The following COG5 variants were observed in gnomAD, a reference collection of about 807,000 sequenced individuals.
COG5 encodes the protein conserved oligomeric Golgi complex subunit 5.
A neutral mutation model predicts 110.4 loss-of-function variants in COG5; 86 were observed. That is an observed-to-expected ratio of 0.78 (90% CI 0.65 to 0.93). The LOEUF (loss-of-function observed/expected upper bound fraction) is 0.93, where lower values mean the gene tolerates loss of function less well. Among genes scored for constraint, COG5 ranks in the 40% least tolerant of loss-of-function variants. The probability of loss-of-function intolerance (pLI) is 0.00; values close to 1 mark genes in which losing one functional copy is unlikely to be tolerated. For missense variants in COG5, 1,077 were observed against 987.0 expected, an observed-to-expected ratio of 1.09 and a Z score of -1.22; for synonymous variants, 360 against 334.6, an observed-to-expected ratio of 1.08 and a Z score of -0.83.
At chr7:107,326,810 A>T (rs1809807194) in intron 10 of COG5, among the ~76,000 whole-genome samples, 1 of 152,196 alleles carries the variant, frequency 6.6e-6, no homozygotes, top group African/African-American at 2.4e-5. Context: ...CAGGGATCCC[A>T]AATATCCAAA....
chr7:107,542,800 C>T (rs145183020), intron 5 of COG5, among the ~76,000 whole-genome samples: 14 of 152,106 alleles, frequency 9.2e-5, no homozygotes, highest in Admixed American at 3.3e-4. Flanking sequence ...TGAACTCTGT[C>T]TCTACTAAAA....
chr7:107,334,382 T>C (rs1351126349), intron 10 of COG5, among the ~76,000 whole-genome samples: 1 of 151,786 alleles, frequency 6.6e-6, no homozygotes, highest in Non-Finnish European at 1.5e-5. Flanking sequence ...GCTTGAAGAT[T>C]ATAAAAAAAA....
chr7:107,298,375 GA>G lies in COG5; in HGVS notation c.1109-30del, dbSNP rs763875220. 65 of 1,559,030 alleles carry G rather than the reference GA, an allele frequency of 4.2e-5. No individual in the cohort carries two copies. The African/African-American group carries it at 8.6e-4, about 21-fold the overall frequency. On this transcript the variant is annotated intron_variant, in intron 11 of 21. Transcript: ENST00000297135. ...CCAAGCAAAACAAGAACATGAATTA[GA>G]AAAATAATAAAATGTAGTAAATGTT... is the stretch of plus-strand genomic sequence containing the variant.
chr7:107,537,891 C>T (rs1007982804), intron 5 of COG5, among the ~76,000 whole-genome samples: 1 of 152,104 alleles, frequency 6.6e-6, no homozygotes, highest in Non-Finnish European at 1.5e-5. Context: ...TGAGATACTA[C>T]TTCATACCCA....
chr7:107,557,761 A>G (rs991593599), intron 2 of COG5, among the ~76,000 whole-genome samples: 1 of 152,244 alleles, frequency 6.6e-6, no homozygotes, highest in Non-Finnish European at 1.5e-5. Context: ...AACAGGAAGT[A>G]TGAATGAAAG....
intron 10 of COG5, among the ~76,000 whole-genome samples, chr7:107,325,834 C>T (rs1809718889): frequency 6.6e-6 from 1 of 151,932 alleles, no homozygotes; most frequent in African/African-American, 2.4e-5. Flanking sequence ...TTAATTGTTC[C>T]TTTTTAAAAT....
chr7:107,440,469 C>T (rs1170052537), intron 6 of COG5, among the ~76,000 whole-genome samples: 1 of 151,830 alleles, frequency 6.6e-6, no homozygotes, highest in Non-Finnish European at 1.5e-5. Context: ...GTATCAGGTT[C>T]CTGGCACAGC....
intron 5 of COG5, among the ~76,000 whole-genome samples, chr7:107,543,804 C>T (rs577964505): frequency 5.3e-5 from 8 of 152,220 alleles, no homozygotes; most frequent in Non-Finnish European, 1.2e-4. Flanking sequence ...CCCCTGTGGC[C>T]CCACACTCCA....
rs202225339 is a variant in COG5 at position 107,211,232 on chromosome 7, G to A, written c.2169-7C>T. On this transcript the variant is annotated splice_polypyrimidine_tract_variant and splice_region_variant and intron_variant, in intron 19 of 21. Coordinates refer to ENST00000297135, the MANE Select transcript of COG5 (RefSeq NM_006348.5). ...TGCCTGGAAGAGCAGAGGTCTAGACGGGAAAAACAGAAGTTATTTCACACT... is the reference window on the plus strand; with the variant it reads ...TGCCTGGAAGAGCAGAGGTCTAGACAGGAAAAACAGAAGTTATTTCACACT... The A allele has an allele frequency of 2.4e-5, 39 of 1,613,532 alleles. No homozygotes were observed. The highest frequency in any genetic ancestry group is 2.9e-5 in the Non-Finnish European group (34 of 1,179,600).
At chr7:107,554,182 T>C (rs2129176904) in intron 3 of COG5, 103 bp downstream of exon 3, 2 of 936,676 alleles carry the variant, frequency 2.1e-6, no homozygotes, top group African/African-American at 1.6e-5. Flanking sequence ...AGAGACTGTA[T>C]GGCTGGCAAA....
chr7:107,326,191 C>T (rs1468051452), intron 10 of COG5, among the ~76,000 whole-genome samples: 2 of 152,160 alleles, frequency 1.3e-5, no homozygotes, highest in Non-Finnish European at 2.9e-5. Context: ...AAATCTGCAG[C>T]TAACATCCTA....
At chr7:107,487,040 G>A (rs1279414341) in intron 6 of COG5, among the ~76,000 whole-genome samples, 2 of 152,136 alleles carry the variant, frequency 1.3e-5, no homozygotes, top group Non-Finnish European at 2.9e-5. Context: ...TTGTAATATT[G>A]TGGTGAGGAA....
intron 5 of COG5, among the ~76,000 whole-genome samples, chr7:107,530,710 C>T (rs1052609545): frequency 4.0e-5 from 6 of 151,252 alleles, no homozygotes; most frequent in Admixed American, 3.9e-4. Context: ...TCTGGGAATA[C>T]CATTTAATAA....
chr7:107,331,552 G>T (rs529083765), intron 10 of COG5, among the ~76,000 whole-genome samples: 2 of 152,102 alleles, frequency 1.3e-5, no homozygotes, highest in African/African-American at 4.8e-5. Context: ...CAGGCAAAAA[G>T]ATCAGTTAGG....
intron 3 of COG5, among the ~76,000 whole-genome samples, chr7:107,552,047 T>C (rs934876357): frequency 1.3e-5 from 2 of 152,228 alleles, no homozygotes; most frequent in Middle Eastern, 3.2e-3. Flanking sequence ...TAGCAGTGTA[T>C]TTCAAATATT....
At chr7:107,305,180 T>C (rs1807604799) in intron 11 of COG5, among the ~76,000 whole-genome samples, 2 of 152,068 alleles carry the variant, frequency 1.3e-5, no homozygotes, top group Admixed American at 6.6e-5. Context: ...AAACAGCAAA[T>C]GCAAAGGACA....
chr7:107,536,123 CAAT>C (rs1801567360), intron 5 of COG5, among the ~76,000 whole-genome samples: 1 of 152,126 alleles, frequency 6.6e-6, no homozygotes, highest in African/African-American at 2.4e-5. Context: ...TAAAAACACT[CAAT>C]AAACTAGGTA....
At chr7:107,257,173 G>T (rs1257413395) in intron 15 of COG5, among the ~76,000 whole-genome samples, 3 of 152,026 alleles carry the variant, frequency 2.0e-5, no homozygotes, top group African/African-American at 7.2e-5. Flanking sequence ...AAATAAAAAT[G>T]TCAGCATTTC....
At chr7:107,468,382 T>A (rs775552803) in intron 6 of COG5, among the ~76,000 whole-genome samples, 18 of 152,232 alleles carry the variant, frequency 1.2e-4, no homozygotes, top group South Asian at 6.2e-4. Context: ...ATGCTTTCTC[T>A]GGTCTTAGTT....
Sources: allele counts gnomAD v4.1 joint callset (sites outside exome capture counted in the v4.1 genomes callset), GRCh38; gene constraint gnomAD v4.1.1; transcripts MANE v1.5; gene names NCBI Gene and HGNC (gene_info 2026-07-23, HGNC 2026-07-21).